Variants in FBN2 observed in about 807,000 individuals in gnomAD.
FBN2 encodes fibrillin-2.
A neutral mutation model predicts 355.6 loss-of-function variants in FBN2; 105 were observed. That is an observed-to-expected ratio of 0.30 (90% confidence interval 0.25 to 0.35). The LOEUF (loss-of-function observed/expected upper bound fraction) is 0.35. Among genes scored for constraint, FBN2 ranks in the 10% least tolerant of loss-of-function variants. The probability of loss-of-function intolerance (pLI) is 1.00; values close to 1 mark genes in which losing one functional copy is unlikely to be tolerated. For synonymous variants in FBN2, 1,350 were observed against 1,301.2 expected, an observed-to-expected ratio of 1.04 and a Z score of -0.81; for missense variants, 3,280 against 3,758.7, an observed-to-expected ratio of 0.87 and a Z score of 3.33.
intron 6 of FBN2, among the ~76,000 whole-genome samples, chr5:128,452,749 CG>C (rs1457881780): frequency 2.6e-5 from 4 of 151,724 alleles, no homozygotes; most frequent in Non-Finnish European, 5.9e-5. Flanking sequence ...TTTATGGTTT[CG>C]GGGATACAGG....
intron 61 of FBN2, among the ~76,000 whole-genome samples, chr5:128,273,567 T>C (rs550702370): frequency 6.6e-6 from 1 of 152,348 alleles, no homozygotes; most frequent in Non-Finnish European, 1.5e-5. Context: ...CACAGAATTC[T>C]TTTTCAATTC....
intron 40 of FBN2, 90 bp from the exon 41 acceptor site, chr5:128,309,489 G>C: frequency 9.1e-7 from 1 of 1,095,384 alleles, no homozygotes; most frequent in South Asian, 1.3e-5. Context: ...AAGCTTTCCT[G>C]ATGAACACAA....
chr5:128,393,403 G>T, intron 9 of FBN2, 35 bp from the exon 10 acceptor site: 1 of 1,571,120 alleles, frequency 6.4e-7, no homozygotes, highest in South Asian at 1.1e-5. Flanking sequence ...AAGCACAGGT[G>T]AATGTCTTTC....
intron 6 of FBN2, 129 bp from the exon 7 acceptor site, chr5:128,446,735 G>A (rs537130124): frequency 2.2e-6 from 2 of 910,390 alleles, no homozygotes; most frequent in South Asian, 3.0e-5. Context: ...AGTGGGGTTA[G>A]AGAAGTAAAA....
intron 5 of FBN2, among the ~76,000 whole-genome samples, chr5:128,516,374 C>CTTTT (rs35226456): frequency 1.4e-5 from 2 of 145,360 alleles, no homozygotes; most frequent in Non-Finnish European, 3.0e-5. Context: ...CACAAGAACT[C>CTTTT]TTTTTTTTTT....
chr5:128,369,527 G>A (rs1482686113), intron 15 of FBN2, among the ~76,000 whole-genome samples, 193 bp from the exon 16 acceptor site: 1 of 152,180 alleles, frequency 6.6e-6, no homozygotes, highest in African/African-American at 2.4e-5. Flanking sequence ...GGAAAAGAAT[G>A]GATGCATATC....
At chr5:128,418,513 G>A (rs1272464951) in intron 7 of FBN2, among the ~76,000 whole-genome samples, 1 of 151,936 alleles carries the variant, frequency 6.6e-6, no homozygotes, top group East Asian at 1.9e-4. Context: ...CATTACTTTT[G>A]TTGTATAACA....
Position 128,261,892 on chromosome 5 carries a change from T to G in FBN2, c.8208A>C (p.Gly2736=). ...YRVGQGHCVS[G]MGFNKGQYLS... is the part of the protein sequence containing the mutation. ...GGTACTGCCCCTTGTTAAATCCCAT[T>G]CCTGAGACACAGTGGCTATTTGCAA... Residue 2736 remains glycine (G), a synonymous_variant, in exon 64 of 65, where the codon GGA becomes GGC. Coordinates refer to ENST00000262464, the MANE Select transcript of FBN2 (RefSeq NM_001999.4). The G allele has an allele frequency of 6.2e-7, 1 of 1,614,100 alleles. No individual in the cohort carries two copies. The highest frequency in any genetic ancestry group is 1.1e-5 in the South Asian group (1 of 91,082).
intron 62 of FBN2, among the ~76,000 whole-genome samples, chr5:128,271,712 T>G (rs1470846488): frequency 6.6e-6 from 1 of 152,170 alleles, no homozygotes; most frequent in East Asian, 1.9e-4. Context: ...AGATGATGAT[T>G]CTTGACATCA....
intron 25 of FBN2, among the ~76,000 whole-genome samples, chr5:128,341,792 C>A (rs987258869): frequency 6.6e-6 from 1 of 152,218 alleles, no homozygotes; most frequent in African/African-American, 2.4e-5. Flanking sequence ...CCTGAATGCT[C>A]TTCTCTGCCT....
At chr5:128,360,473 T>A (rs1191299506) in intron 19 of FBN2, among the ~76,000 whole-genome samples, 1 of 152,128 alleles carries the variant, frequency 6.6e-6, no homozygotes, top group African/African-American at 2.4e-5. Context: ...GCACTCCTCT[T>A]TGAGGAGTTC....
At chr5:128,429,311 G>A (rs573499189) in intron 7 of FBN2, among the ~76,000 whole-genome samples, 30 of 152,058 alleles carry the variant, frequency 2.0e-4, no homozygotes, top group African/African-American at 6.8e-4. Flanking sequence ...CCTTCCTTTC[G>A]TCACTTCTGT....
chr5:128,382,658 A>G (rs1752262413), intron 11 of FBN2, among the ~76,000 whole-genome samples: 1 of 152,042 alleles, frequency 6.6e-6, no homozygotes, highest in Non-Finnish European at 1.5e-5. Flanking sequence ...ACATGTTAAC[A>G]CCACCACTAT....
intron 8 of FBN2, among the ~76,000 whole-genome samples, chr5:128,401,363 C>T (rs1177391398): frequency 6.6e-6 from 1 of 152,136 alleles, no homozygotes; most frequent in Non-Finnish European, 1.5e-5. Flanking sequence ...AATCCAAATT[C>T]ATTTATCATT....
chr5:128,294,171 C>G (rs1181357772), intron 48 of FBN2, among the ~76,000 whole-genome samples: 1 of 152,106 alleles, frequency 6.6e-6, no homozygotes, highest in African/African-American at 2.4e-5. Flanking sequence ...ATGAACTCAT[C>G]ATTTTTTATG....
intron 34 of FBN2, chr5:128,328,148 T>C (rs153993): frequency 1.8e-4 from 31 of 175,338 alleles, no homozygotes; most frequent in South Asian, 7.0e-4. Flanking sequence ...GATATCATAC[T>C]AGGCACAAAG....
At chr5:128,408,863 A>T in intron 7 of FBN2, 64 bp from the exon 8 acceptor site, 2 of 1,511,742 alleles carry the variant, frequency 1.3e-6, no homozygotes, top group Non-Finnish European at 1.8e-6. Flanking sequence ...TTTAAAAGAG[A>T]TTTTTTTTTT....
In FBN2 at chr5:128,309,286, A is replaced by G. The variant is rs1490668898; in HGVS notation, c.5314T>C (p.Trp1772Arg). The G allele has an allele frequency of 6.2e-7, 1 of 1,614,150 alleles. No homozygotes were observed. Among genetic ancestry groups the G allele is most frequent in the South Asian group, 1.1e-5 (1 of 91,088 alleles). Residue 1772 changes from tryptophan (W) to arginine (R), a missense_variant, in exon 41 of 65, where the codon TGG (tryptophan) becomes CGG (arginine). By Grantham distance (101) the Trp-to-Arg change is moderately radical. Transcript: ENST00000262464. ...CCCTYNVGKA[W>R]NKPCEPCPTP... ...GGGCATGGTTCACAAGGTTTGTTCC[A>G]GGCTTTGCCCACATTATATGTGCAG... is the stretch of plus-strand genomic sequence containing the variant.
chr5:128,505,453 A>AT (rs963954318), intron 5 of FBN2, among the ~76,000 whole-genome samples: 1 of 152,190 alleles, frequency 6.6e-6, no homozygotes, highest in Admixed American at 6.5e-5. Flanking sequence ...TCATTGTTCA[A>AT]TTTTTTAACA....
Sources: allele counts gnomAD v4.1 joint callset (sites outside exome capture counted in the v4.1 genomes callset), GRCh38; gene constraint gnomAD v4.1.1; transcripts MANE v1.5; gene names NCBI Gene and HGNC (gene_info 2026-07-23, HGNC 2026-07-21).